Variants in MRTFA observed in about 807,000 individuals in gnomAD.
MRTFA encodes the protein myocardin related transcription factor A.
A neutral mutation model predicts 83.5 loss-of-function variants in MRTFA; 20 were observed. The ratio of observed to expected loss-of-function variants is 0.24; its 90% CI spans 0.17 to 0.35. The LOEUF (loss-of-function observed/expected upper bound fraction) is 0.35. Among genes scored for constraint, MRTFA ranks in the 10% least tolerant of loss-of-function variants. The probability of loss-of-function intolerance (pLI) is 1.00; values close to 1 mark genes in which losing one functional copy is unlikely to be tolerated. For missense variants in MRTFA, 1,200 were observed against 1,224.7 expected, an observed-to-expected ratio of 0.98 and a Z score of 0.30; for synonymous variants, 659 against 541.2, an observed-to-expected ratio of 1.22 and a Z score of -3.02.
chr22:40,447,645 C>T (rs888044008), intron 4 of MRTFA, among the ~76,000 whole-genome samples: 4 of 152,176 alleles, frequency 2.6e-5, no homozygotes, highest in Non-Finnish European at 5.9e-5. Flanking sequence ...AAAAAGGCTT[C>T]TGAGGTAACA....
chr22:40,565,638 C>A (rs1006478600), intron 2 of MRTFA, among the ~76,000 whole-genome samples: 1 of 152,176 alleles, frequency 6.6e-6, no homozygotes, highest in East Asian at 1.9e-4. Context: ...CTGTTTTAGG[C>A]ACTGGGAGTA....
intron 3 of MRTFA, among the ~76,000 whole-genome samples, chr22:40,477,620 C>T (rs2054020374): frequency 6.6e-6 from 1 of 152,198 alleles, no homozygotes; most frequent in South Asian, 2.1e-4. Flanking sequence ...GAGGCTTTTA[C>T]ATCAGATTTT....
chr22:40,458,256 G>C (rs2053631952), intron 4 of MRTFA, among the ~76,000 whole-genome samples: 1 of 152,186 alleles, frequency 6.6e-6, no homozygotes. Context: ...GTAGAGTTAA[G>C]TGACGTTAAA....
chr22:40,552,871 T>G (rs55662398), intron 2 of MRTFA, among the ~76,000 whole-genome samples: 13,732 of 152,228 alleles, frequency 0.09, 794 homozygotes, highest in East Asian at 0.25. Flanking sequence ...TGGAACAGTT[T>G]AGAGGGCTAA....
chr22:40,620,784 G>C (rs2056513768), intron 1 of MRTFA, among the ~76,000 whole-genome samples: 1 of 151,960 alleles, frequency 6.6e-6, no homozygotes, highest in Non-Finnish European at 1.5e-5. Flanking sequence ...CTAATGACAA[G>C]AACCCCCAAA....
rs377354263 is a variant in MRTFA, at chr22:40,418,369, G to A, written c.2364+5C>T. On this transcript the variant is annotated splice_donor_5th_base_variant and intron_variant, in intron 12 of 14. Coordinates refer to ENST00000355630, the MANE Select transcript of MRTFA (RefSeq NM_020831.6). Reference sequence around the variant, plus strand: ...CCCTGCCCGGTTCCTCCCATACCCAGGTACCTGCTGGGGGCTCCCACTGGA... The same window carrying A: ...CCCTGCCCGGTTCCTCCCATACCCAAGTACCTGCTGGGGGCTCCCACTGGA... 2.8e-4 allele frequency: 444 copies of A among 1,612,878 alleles called. No homozygotes were observed. Among genetic ancestry groups the A allele is most frequent in the Non-Finnish European group, 3.6e-4 (420 of 1,179,388 alleles).
intron 3 of MRTFA, among the ~76,000 whole-genome samples, chr22:40,514,280 A>C (rs2147246849): frequency 6.6e-6 from 1 of 151,772 alleles, no homozygotes; most frequent in South Asian, 2.1e-4. Context: ...AAATAAATAA[A>C]TAAATAATAA....
chr22:40,538,537 C>T (rs1353839314), intron 3 of MRTFA, among the ~76,000 whole-genome samples: 1 of 144,990 alleles, frequency 6.9e-6, no homozygotes, highest in African/African-American at 2.6e-5. Flanking sequence ...AAATCCCCCT[C>T]TGTGAGAAAC....
chr22:40,562,216 CA>C (rs35542557), intron 2 of MRTFA, among the ~76,000 whole-genome samples: 51,857 of 106,196 alleles, frequency 0.49, 10,104 homozygotes, highest in East Asian at 0.66. Flanking sequence ...GACTCCATCT[CA>C]AAAAAAAAAA....
chr22:40,468,176 G>A (rs917880905), intron 3 of MRTFA, among the ~76,000 whole-genome samples: 2 of 152,108 alleles, frequency 1.3e-5, no homozygotes, highest in Non-Finnish European at 2.9e-5. Flanking sequence ...GATAGGATTC[G>A]AGGGGTAATA....
chr22:40,587,990 G>A, intron 2 of MRTFA: 1 of 232,714 alleles, frequency 4.3e-6, no homozygotes, highest in Non-Finnish European at 8.8e-6. Flanking sequence ...CAGTGGATCA[G>A]CACATCCATG....
At chr22:40,436,034 T>G in intron 4 of MRTFA, among the ~76,000 whole-genome samples, 1 of 152,184 alleles carries the variant, frequency 6.6e-6, no homozygotes, top group East Asian at 1.9e-4. Context: ...TCTTTATGGT[T>G]TAGCTACCCC....
At chr22:40,582,357 T>A (rs997186018) in intron 2 of MRTFA, among the ~76,000 whole-genome samples, 1 of 152,260 alleles carries the variant, frequency 6.6e-6, no homozygotes, top group African/African-American at 2.4e-5. Flanking sequence ...TTCCCTATTA[T>A]GAATAATGCT....
At chr22:40,570,931 T>G (rs2055781500) in intron 2 of MRTFA, among the ~76,000 whole-genome samples, 1 of 147,064 alleles carries the variant, frequency 6.8e-6, no homozygotes, top group Admixed American at 7.1e-5. Flanking sequence ...GGCTCACACC[T>G]GTAATCCTAG....
chr22:40,567,863 C>T (rs1289741361), intron 2 of MRTFA, among the ~76,000 whole-genome samples: 1 of 152,110 alleles, frequency 6.6e-6, no homozygotes, highest in African/African-American at 2.4e-5. Flanking sequence ...CCAGAAGCCT[C>T]ATATCCTTAG....
At chr22:40,616,606 G>C (rs1454170051) in intron 1 of MRTFA, among the ~76,000 whole-genome samples, 1 of 152,168 alleles carries the variant, frequency 6.6e-6, no homozygotes, top group Non-Finnish European at 1.5e-5. Flanking sequence ...AGGAGGAAAA[G>C]GGAGATGCCA....
intron 1 of MRTFA, among the ~76,000 whole-genome samples, chr22:40,623,887 G>A (rs1048459262): frequency 5.9e-5 from 9 of 152,132 alleles, no homozygotes; most frequent in Non-Finnish European, 8.8e-5. Context: ...AGGATGAGGC[G>A]AGAGGATCTC....
At chr22:40,636,188 G>A (rs550170599) in intron 1 of MRTFA, among the ~76,000 whole-genome samples, 69 of 152,278 alleles carry the variant, frequency 4.5e-4, no homozygotes, top group Non-Finnish European at 8.4e-4. Flanking sequence ...GAGGACCTCC[G>A]TGCCTCCCCG....
chr22:40,558,246 GCTTTT>G (rs1244430590), intron 2 of MRTFA, among the ~76,000 whole-genome samples: 25 of 114,882 alleles, frequency 2.2e-4, no homozygotes, highest in African/African-American at 6.9e-4. Flanking sequence ...ATCATGCCTG[GCTTTT>G]TTTTTTTTTT....
Sources: allele counts gnomAD v4.1 joint callset (sites outside exome capture counted in the v4.1 genomes callset), GRCh38; gene constraint gnomAD v4.1.1; transcripts MANE v1.5; gene names NCBI Gene and HGNC (gene_info 2026-07-23, HGNC 2026-07-21).